The following PANK4 variants were observed in gnomAD, a reference collection of about 807,000 sequenced individuals.
PANK4 encodes 4'-phosphopantetheine phosphatase.
In PANK4, 40 loss-of-function variants were observed where a neutral mutation model predicts 87.9. That is an observed-to-expected ratio of 0.46 (90% CI 0.35 to 0.59). The LOEUF is 0.59. Ranked by LOEUF, PANK4 falls within the 20% of genes least tolerant of loss-of-function variation. The probability of loss-of-function intolerance (pLI) is 0.00; values close to 1 mark genes in which losing one functional copy is unlikely to be tolerated. For missense variants in PANK4, 926 were observed against 1,072.3 expected, an observed-to-expected ratio of 0.86 and a Z score of 1.90; for synonymous variants, 524 against 467.4, an observed-to-expected ratio of 1.12 and a Z score of -1.56.
chr1:2,518,688 G>T, intron 7 of PANK4, 91 bp from the exon 8 acceptor site: 1 of 1,115,922 alleles, frequency 9.0e-7, no homozygotes, highest in Non-Finnish European at 1.3e-6. Flanking sequence ...GCCTCGCACC[G>T]CGCGGCCCAA....
chr1:2,510,423 T>A lies in PANK4; in HGVS notation c.1938+255A>T, dbSNP rs1643641553. 1 of 596,578 alleles carries A rather than the reference T, an allele frequency of 1.7e-6. No homozygotes were observed. The highest frequency in any genetic ancestry group is 3.0e-6 in the Non-Finnish European group (1 of 335,270). 37.0% of individuals were successfully genotyped at this position (596,578 alleles called of 1,614,324 possible). On this transcript the variant is annotated intron_variant, in intron 16 of 18. Transcript: ENST00000378466. This position sits in a 1 kb window ranked among gnomAD's most constrained non-coding sequence, Gnocchi z 4.9. ...TGAAGTCACAGCCCCAAAGCCTCCT[T>A]GCTGTGAGCACCCTTCCAGGAGCCT... is the stretch of plus-strand genomic sequence containing the variant.
intron 1 of PANK4, among the ~76,000 whole-genome samples, chr1:2,524,432 G>A (rs980752909): frequency 3.9e-5 from 6 of 152,192 alleles, no homozygotes; most frequent in East Asian, 1.9e-4. Context: ...ACAAACAAAA[G>A]GTCTCTCAGT....
In PANK4 at chr1:2,519,744, G is replaced by A; in HGVS notation, c.853+57C>T. ...AATGGTGGGGGAAGCTCCTGTCCGT[G>A]AGACCCCAAGTGTCCCCACCATCCT... On this transcript the variant is annotated intron_variant, in intron 6 of 18. Transcript: ENST00000378466. This position sits in a 1 kb window ranked among gnomAD's most constrained non-coding sequence, Gnocchi z 8.3. 2.0e-6 allele frequency: 3 copies of A among 1,478,406 alleles called. No homozygotes were observed. Among genetic ancestry groups the A allele is most frequent in the African/African-American group, 2.8e-5 (2 of 71,506 alleles). The allele number at this position is 1,478,406 out of a possible 1,614,324, so 91.6% of individuals were successfully genotyped here. A position where few individuals can be genotyped will look rare whatever the true frequency, so the allele number is the denominator to read the frequency against.
intron 11 of PANK4, 41 bp from the exon 12 acceptor site, chr1:2,514,130 CG>C: frequency 6.7e-7 from 1 of 1,501,904 alleles, no homozygotes; most frequent in Non-Finnish European, 9.3e-7. Context: ...CAGGGCAGGC[CG>C]AACACCCGCC....
Position 2,520,358 on chromosome 1 carries a change from G to A in PANK4, c.663C>T (p.Thr221=), listed in dbSNP as rs759560529. 1.2e-6 allele frequency: 2 copies of A among 1,612,968 alleles called. No individual in the cohort carries two copies. Among genetic ancestry groups the A allele is most frequent in the African/African-American group, 1.3e-5 (1 of 75,048 alleles). The change falls in exon 5 of 19, where the codon ACC becomes ACT. Residue 221 remains threonine, a synonymous_variant. Transcript: ENST00000378466. This position sits in a 1 kb window ranked among gnomAD's most constrained non-coding sequence, Gnocchi z 6.2. ...WVGGSSIGGG[T]FWGLGALLTK... ...TGAGCAGAGCGCCAAGCCCCCAGAA[G>A]GTGCCGCCTCCAATGGAGCTGCCGC...
At chr1:2,514,325 G>A (rs780403846) in intron 11 of PANK4, 29 bp downstream of exon 11, 1 of 1,502,564 alleles carries the variant, frequency 6.7e-7, no homozygotes, top group African/African-American at 1.4e-5. Context: ...TGGAAGAGGT[G>A]GCCACACACC....
rs2236397 is a variant in PANK4 at position 2,511,514 on chromosome 1, C to A, written c.1783+114G>T. On this transcript the variant is annotated intron_variant, in intron 14 of 18. Coordinates refer to ENST00000378466, the MANE Select transcript of PANK4 (RefSeq NM_018216.4). ...CGCCCCCGAAGCCCAGCTGACAGAG[C>A]CTTGAGCAGGGGAGGTGCCTGGACC... 269,696 of 1,073,732 alleles carry A rather than the reference C, an allele frequency of 0.25. 38,138 individuals carry two copies. Among genetic ancestry groups the A allele is most frequent in the African/African-American group, 0.46 (29,706 of 64,194 alleles). 66.5% of individuals were successfully genotyped at this position (1,073,732 alleles called of 1,614,324 possible).
intron 8 of PANK4, 115 bp from the exon 9 acceptor site, chr1:2,518,379 A>C (rs1643823197): frequency 1.0e-6 from 1 of 959,766 alleles, no homozygotes; most frequent in African/African-American, 1.6e-5. Context: ...AAAATGTTAG[A>C]CATGCCTGCT....
In PANK4 at chr1:2,510,129, G is replaced by A. The variant is rs757217185; in HGVS notation, c.1967C>T (p.Ala656Val). ...CTCGCTGTGGGTCACGTCGTTCAGG[G>A]CGGGGCCTGAGTTGCACGCCAGGAT... ...EVILACNSGPALNDVTHSESL... is the reference protein window; with the variant it reads ...EVILACNSGPVLNDVTHSESL... Residue 656 changes from alanine to valine, a missense_variant, in exon 17 of 19, where the codon GCC becomes GTC. Coordinates refer to ENST00000378466, the MANE Select transcript of PANK4 (RefSeq NM_018216.4). This position sits in a 1 kb window ranked among gnomAD's most constrained non-coding sequence, Gnocchi z 4.9. 41 of 1,608,640 alleles carry A rather than the reference G, an allele frequency of 2.5e-5. No individual in the cohort carries two copies. The highest frequency in any genetic ancestry group is 3.5e-5 in the Non-Finnish European group (41 of 1,178,026).
In PANK4 at chr1:2,514,444, C is replaced by G. The variant is rs1296126331; in HGVS notation, c.1397G>C (p.Ser466Thr). 6.2e-7 allele frequency: 1 copy of G among 1,611,252 alleles called. No homozygotes were observed. Among genetic ancestry groups the G allele is most frequent in the South Asian group, 1.1e-5 (1 of 91,060 alleles). Residue 466 changes from serine (S) to threonine (T), a missense_variant, in exon 11 of 19, where the codon AGC becomes ACC. Physicochemically the swap from Ser to Thr is moderately conservative, Grantham distance 58. Transcript: ENST00000378466. ...LDGVVKRAVA[S>T]QPDSVDAAER... ...GGCTGCATCCACAGAGTCTGGCTGG[C>G]TCGCCACTGCGCGCTTCACTACCTG...
chr1:2,524,279 A>G (rs1288679573), intron 1 of PANK4, among the ~76,000 whole-genome samples: 1 of 152,112 alleles, frequency 6.6e-6, no homozygotes, highest in Non-Finnish European at 1.5e-5. Context: ...GAGCTTTCCT[A>G]GATCCAGACA....
rs964133527 is a variant in PANK4, at chr1:2,515,207, C to T, written c.1374+355G>A. 1.6e-5 allele frequency: 7 copies of T among 449,240 alleles called. No homozygotes were observed. The highest frequency in any genetic ancestry group is 2.7e-5 in the Non-Finnish European group (6 of 226,068). The allele number at this position is 449,240 out of a possible 1,614,324, so 27.8% of individuals were successfully genotyped here. A position where few individuals can be genotyped will look rare whatever the true frequency, so the allele number is the denominator to read the frequency against. On this transcript the variant is annotated intron_variant, in intron 10 of 18. Transcript: ENST00000378466. The surrounding 1 kb of genome is among the most constrained non-coding windows in gnomAD (Gnocchi z 5.0). ...GGGAGCTTGCTGGGGCTGAGTCTCA[C>T]CCCACCCCCAGAGTCAGGGTCCCAC... is the stretch of plus-strand genomic sequence containing the variant.
At chr1:2,526,391 C>A (rs897092640) in intron 1 of PANK4, 73 bp downstream of exon 1, 1 of 896,712 alleles carries the variant, frequency 1.1e-6, no homozygotes, top group Non-Finnish European at 1.3e-6. Context: ...TTCCCGCCGC[C>A]CCCGCTCGCC....
At position 2,521,003 on chromosome 1, in the gene PANK4, G is replaced by A. The variant is rs976477612; in HGVS notation, c.423-97C>T. 21 of 1,524,916 alleles carry A rather than the reference G, an allele frequency of 1.4e-5. No individual in the cohort carries two copies. The East Asian group carries it at 2.3e-4, about 16-fold the overall frequency. 94.5% of individuals were successfully genotyped at this position (1,524,916 alleles called of 1,614,324 possible). On this transcript the variant is annotated intron_variant, in intron 3 of 18. Transcript: ENST00000378466. Reference sequence around the variant, plus strand: ...CCGAAGGGGCAGCCATGCCCCATGCGCAATCTGACACACGAGCGCCAGGGA... The same window carrying A: ...CCGAAGGGGCAGCCATGCCCCATGCACAATCTGACACACGAGCGCCAGGGA...
At chr1:2,524,424 A>G (rs1980789) in intron 1 of PANK4, among the ~76,000 whole-genome samples, 1 of 152,190 alleles carries the variant, frequency 6.6e-6, no homozygotes, top group East Asian at 1.9e-4. Context: ...CAGGAGTAAC[A>G]AACAAAAGGT....
chr1:2,510,268 G>C lies in PANK4; in HGVS notation c.1939-111C>G, dbSNP rs1643638685. The C allele has an allele frequency of 1.4e-6, 1 of 735,452 alleles. No homozygotes were observed. The allele number at this position is 735,452 out of a possible 1,614,324, so 45.6% of individuals were successfully genotyped here. The stretch of plus-strand genomic sequence containing the variant: ...CTGGGTGAGGGTGCTGTGCCCAGCG[G>C]GCCTGGCCAGCCACCTGCTGCTGAG... On this transcript the variant is annotated intron_variant, in intron 16 of 18. Transcript: ENST00000378466. The surrounding 1 kb of genome is among the most constrained non-coding windows in gnomAD (Gnocchi z 4.9).
intron 13 of PANK4, 137 bp from the exon 14 acceptor site, chr1:2,511,820 A>C: frequency 1.5e-6 from 1 of 664,936 alleles, no homozygotes; most frequent in South Asian, 1.6e-5. Context: ...AATCCCTCCC[A>C]GGTGGGACAG....
intron 1 of PANK4, among the ~76,000 whole-genome samples, chr1:2,522,178 G>C (rs762593086): frequency 4.6e-5 from 7 of 152,190 alleles, no homozygotes; most frequent in African/African-American, 7.2e-5. Flanking sequence ...AAAGCGATAA[G>C]CTGACAAATC....
chr1:2,521,511 TC>T (rs1306314984), intron 2 of PANK4, 196 bp from the exon 3 acceptor site: 2 of 690,192 alleles, frequency 2.9e-6, no homozygotes, highest in Non-Finnish European at 2.6e-6. Flanking sequence ...CGGAAGCCTC[TC>T]CCGGGGGAGC....
Sources: gnomAD v4.1 joint callset for allele counts (sites outside exome capture counted in the v4.1 genomes callset) on GRCh38, gnomAD v4.1.1 for gene constraint, Gnocchi (gnomAD v3.1) non-coding constraint, MANE v1.5 for transcripts, NCBI Gene and HGNC (gene_info 2026-07-23, HGNC 2026-07-21) for gene names.